COL4A6: variants seen among roughly 807,000 people sequenced by gnomAD.
COL4A6 encodes the protein collagen type IV alpha 6 chain.
Under a neutral mutation model 126.7 loss-of-function variants are expected in COL4A6, and 59 were observed. The observed-to-expected ratio is 0.47, with a 90% CI of 0.38 to 0.58. The LOEUF is 0.58. Ranked by LOEUF, COL4A6 falls within the 20% of genes least tolerant of loss-of-function variation. COL4A6 has a pLI of 0.00. For missense variants in COL4A6, 1,285 were observed against 1,337.3 expected (o/e 0.96, Z 0.61); for synonymous variants, 547 against 496.6 (o/e 1.10, Z -1.35).
At chrX:108,334,975 C>T (rs12009265) in intron 2 of COL4A6, among the ~76,000 whole-genome samples, 4,796 of 111,747 alleles carry the variant, frequency 0.043, 132 homozygotes, top group Middle Eastern at 0.087. Flanking sequence ...AAAGTTAATT[C>T]CTCTTAGAAA....
chrX:108,411,344 G>A (rs1389571905), intron 2 of COL4A6, among the ~76,000 whole-genome samples: 1 of 111,988 alleles, frequency 8.9e-6, no homozygotes, highest in African/African-American at 3.2e-5. Flanking sequence ...CTAGATGCCA[G>A]TTTATAGAAA....
chrX:108,277,762 C>T (rs1244143687), intron 3 of COL4A6, among the ~76,000 whole-genome samples: 1 of 111,790 alleles, frequency 8.9e-6, no homozygotes, highest in Non-Finnish European at 1.9e-5. Flanking sequence ...AGACTGACAC[C>T]TCACATGGCC....
At chrX:108,226,836 A>G (rs2036180831) in intron 3 of COL4A6, among the ~76,000 whole-genome samples, 1 of 111,078 alleles carries the variant, frequency 9.0e-6, no homozygotes, top group African/African-American at 3.3e-5. Context: ...TCCAAAATCT[A>G]ACTGAAACCT....
At chrX:108,169,075 T>C (rs974386247) in intron 37 of COL4A6, among the ~76,000 whole-genome samples, 4 of 111,107 alleles carry the variant, frequency 3.6e-5, no homozygotes, top group African/African-American at 1.3e-4. Context: ...CATCTTAGTC[T>C]TGGGATCCTT....
chrX:108,367,794 A>G (rs2064722), intron 2 of COL4A6, among the ~76,000 whole-genome samples: 40,812 of 110,051 alleles, frequency 0.37, 6,744 homozygotes, highest in East Asian at 0.73. Flanking sequence ...AAAGGAAACA[A>G]TTATCAGTAC....
chrX:108,241,844 T>C (rs1376367825), intron 3 of COL4A6, among the ~76,000 whole-genome samples: 1 of 110,417 alleles, frequency 9.1e-6, no homozygotes, highest in East Asian at 2.8e-4. Context: ...AGTTCAAAGA[T>C]AGCAGAGAGT....
chrX:108,371,858 A>G (rs1216185342), intron 2 of COL4A6, among the ~76,000 whole-genome samples: 3 of 60,031 alleles, frequency 5.0e-5, no homozygotes, highest in Non-Finnish European at 6.7e-5. Flanking sequence ...ATATGAAGGA[A>G]AAAAAAAAAA....
chrX:108,241,355 A>G (rs1436887196), intron 3 of COL4A6, among the ~76,000 whole-genome samples: 2 of 109,381 alleles, frequency 1.8e-5, no homozygotes, highest in Non-Finnish European at 3.8e-5. Flanking sequence ...TTAAATAACT[A>G]TTCACAATCA....
intron 3 of COL4A6, among the ~76,000 whole-genome samples, chrX:108,258,125 G>A (rs1391641001): frequency 9.0e-6 from 1 of 111,641 alleles, no homozygotes; most frequent in East Asian, 2.8e-4. Context: ...TAACATTTTA[G>A]GAGCCAATAG....
rs191903776 is a variant in COL4A6, at chrX:108,273,109, G to A, written c.144+37639C>T. ...CTCCCTCCACCCCACGACAGGCCCC[G>A]GTGTGTGACGTTCCCCATCCTGTGT... On this transcript the variant is annotated intron_variant, in intron 3 of 44. Transcript: ENST00000334504. Among the ~76,000 whole-genome samples the A allele has an allele frequency of 3.9e-3, 425 of 109,752 alleles. 4 individuals carry two copies. The highest frequency in any genetic ancestry group is 0.013 in the African/African-American group (405 of 30,129).
At chrX:108,404,021 T>G (rs1443860269) in intron 2 of COL4A6, among the ~76,000 whole-genome samples, 1 of 111,495 alleles carries the variant, frequency 9.0e-6, no homozygotes, top group Admixed American at 9.6e-5. Flanking sequence ...CCCTCAACCT[T>G]GCTGCTATTC....
chrX:108,274,987 G>A (rs554350776), intron 3 of COL4A6, among the ~76,000 whole-genome samples: 11 of 111,226 alleles, frequency 9.9e-5, no homozygotes, highest in East Asian at 5.6e-4. Context: ...TCATATAGGC[G>A]GGGGTGGGAG....
At chrX:108,370,064 G>C (rs2040290280) in intron 2 of COL4A6, among the ~76,000 whole-genome samples, 1 of 111,981 alleles carries the variant, frequency 8.9e-6, no homozygotes. Context: ...GATGAAAGTG[G>C]GAACTTCCAA....
At chrX:108,236,261 C>T (rs759924751) in intron 3 of COL4A6, among the ~76,000 whole-genome samples, 3 of 111,521 alleles carry the variant, frequency 2.7e-5, no homozygotes, top group Non-Finnish European at 5.7e-5. Context: ...CCTTGACTTG[C>T]AGACTTGACA....
At chrX:108,325,426 A>C (rs2039132114) in intron 2 of COL4A6, among the ~76,000 whole-genome samples, 1 of 112,029 alleles carries the variant, frequency 8.9e-6, no homozygotes, top group South Asian at 3.7e-4. Context: ...AGAAAATCCC[A>C]GTAGTCCCTT....
Position 108,179,360 on chromosome X carries a change from A to G in COL4A6, c.2210T>C (p.Ile737Thr). Residue 737 changes from isoleucine to threonine, a missense_variant, in exon 26 of 45, where the codon ATT (isoleucine) becomes ACT (threonine). Coordinates refer to ENST00000334504, the MANE Select transcript of COL4A6 (RefSeq NM_033641.4). ...LPGKDGLPGM[I>T]GSPGLPGSKG... ...GGAACCAGGTAAGCCTGGACTGCCA[A>G]TCATCCCAGGCAAGCCATCTTTTCC... The G allele has an allele frequency of 8.3e-7, 1 of 1,211,159 alleles. No individual in the cohort carries two copies. Among genetic ancestry groups the G allele is most frequent in the Non-Finnish European group, 1.1e-6 (1 of 895,261 alleles).
rs1194849324 is a variant in COL4A6, at chrX:108,392,974, T to G, written c.63+44968A>C. ...AAACAGACTAAGACAATGGCTATAATAAAAGAGATAACAAGTGCTGACAAA... is the reference window on the plus strand; with the variant it reads ...AAACAGACTAAGACAATGGCTATAAGAAAAGAGATAACAAGTGCTGACAAA... On this transcript the variant is annotated intron_variant, in intron 2 of 44. Transcript: ENST00000334504. 2.7e-5 allele frequency among the ~76,000 whole-genome samples: 3 copies of G among 112,034 alleles called. No individual in the cohort carries two copies. In the East Asian group the frequency reaches 8.4e-4, roughly 31 times the overall value.
chrX:108,323,225 C>T (rs1011151657), intron 2 of COL4A6, among the ~76,000 whole-genome samples: 2 of 111,736 alleles, frequency 1.8e-5, no homozygotes, highest in Non-Finnish European at 3.8e-5. Context: ...TTATTGAGTG[C>T]CTGCTGTATG....
chrX:108,242,087 C>G (rs890354837), intron 3 of COL4A6, among the ~76,000 whole-genome samples: 1 of 108,344 alleles, frequency 9.2e-6, no homozygotes, highest in African/African-American at 3.4e-5. Flanking sequence ...TCTCAACCTC[C>G]TGAATTGCCA....
Sources: allele counts gnomAD v4.1 joint callset (sites outside exome capture counted in the v4.1 genomes callset), GRCh38; gene constraint gnomAD v4.1.1; transcripts MANE v1.5; gene names NCBI Gene and HGNC (gene_info 2026-07-23, HGNC 2026-07-21).